Variants in ITGA11 observed in about 807,000 individuals in gnomAD.
The protein encoded by ITGA11 is integrin subunit alpha 11.
ITGA11 carries 97 observed loss-of-function variants against 141.9 expected under a neutral mutation model. The observed-to-expected ratio is 0.68, with a 90% confidence interval of 0.58 to 0.81. The LOEUF (loss-of-function observed/expected upper bound fraction) is 0.81, where lower values mean the gene tolerates loss of function less well. Among genes scored for constraint, ITGA11 ranks in the 30% least tolerant of loss-of-function variants. The pLI, the probability that ITGA11 is intolerant of heterozygous loss-of-function variation, is 0.00. For synonymous variants in ITGA11, 658 were observed against 624.6 expected (o/e 1.05, Z -0.80); for missense variants, 1,387 against 1,559.2 (o/e 0.89, Z 1.86).
rs1016205530 is a variant in ITGA11 at position 68,429,706 on chromosome 15, A to G, written c.52+2309T>C. Among the ~76,000 whole-genome samples the G allele has an allele frequency of 7.2e-5, 11 of 152,314 alleles. 1 individual carries two copies. Among genetic ancestry groups the G allele is most frequent in the Admixed American group, 3.3e-4 (5 of 15,304 alleles). ...TCCTGGAGCCTGAGGAGTGAACCCA[A>G]TGATCCCTGAGACCCTTCTAGTCTT... On this transcript the variant is annotated intron_variant, in intron 1 of 29. Coordinates refer to ENST00000315757, the MANE Select transcript of ITGA11 (RefSeq NM_001004439.2).
At chr15:68,425,011 T>C (rs74022228) in intron 1 of ITGA11, among the ~76,000 whole-genome samples, 6,246 of 152,298 alleles carry the variant, frequency 0.041, 432 homozygotes, top group African/African-American at 0.14. Flanking sequence ...ATCTGTGGGG[T>C]GCCTTCTCCA....
chr15:68,318,744 G>A (rs940301849), intron 20 of ITGA11, among the ~76,000 whole-genome samples: 4 of 152,078 alleles, frequency 2.6e-5, no homozygotes, highest in Non-Finnish European at 5.9e-5. Flanking sequence ...GGCACTTGGG[G>A]AGGGGTGCTG....
rs1272008857 is a variant in ITGA11 at position 68,311,049 on chromosome 15, C to T, written c.3119G>A (p.Ser1040Asn). ...CACTGGGGTGGGCCGGTACTCAGTG[C>T]TATTGCCCCAGATGTTACAGGACGT... ...ANTSCNIWGN[S>N]TEYRPTPVEE... The change falls in exon 26 of 30, where the codon AGC (serine) becomes AAC (asparagine). Residue 1040 changes from serine (S) to asparagine (N), a missense_variant. Coordinates refer to ENST00000315757, the MANE Select transcript of ITGA11 (RefSeq NM_001004439.2). The T allele has an allele frequency of 1.2e-6, 2 of 1,608,094 alleles. No homozygotes were observed. Among genetic ancestry groups the T allele is most frequent in the Admixed American group, 3.4e-5 (2 of 59,338 alleles).
chr15:68,369,118 A>G, intron 3 of ITGA11, 66 bp downstream of exon 3: 2 of 1,165,370 alleles, frequency 1.7e-6, no homozygotes, highest in Non-Finnish European at 2.6e-6. Context: ...ATGGGCGTGC[A>G]TCAGAGCCTG....
At position 68,320,400 on chromosome 15, in the gene ITGA11, C is replaced by A; in HGVS notation, c.2409-8G>T. The A allele has an allele frequency of 6.4e-7, 1 of 1,573,066 alleles. No individual in the cohort carries two copies. Among genetic ancestry groups the A allele is most frequent in the Non-Finnish European group, 8.6e-7 (1 of 1,158,814 alleles). On this transcript the variant is annotated splice_region_variant and splice_polypyrimidine_tract_variant and intron_variant, in intron 19 of 29. Transcript: ENST00000315757. Reference sequence around the variant, plus strand: ...ACCCTCTGGCAGTACTCCCTGAGAACAAGAGACCACCAGAGACTGGGCAGA... The same window carrying A: ...ACCCTCTGGCAGTACTCCCTGAGAAAAAGAGACCACCAGAGACTGGGCAGA...
In ITGA11 at chr15:68,324,037, G is replaced by A. The variant is rs1014717140; in HGVS notation, c.2322+1094C>T. Among the ~76,000 whole-genome samples, 9 of 152,136 alleles carry A rather than the reference G, an allele frequency of 5.9e-5. No homozygotes were observed. The highest frequency in any genetic ancestry group is 1.2e-4 in the African/African-American group (5 of 41,432). ...GCCATAGTGACTTTGTAATTACTGC[G>A]AGAGGACAAAAATGACTTAGTGCGC... On this transcript the variant is annotated intron_variant, in intron 18 of 29. Transcript: ENST00000315757. The surrounding 1 kb of genome is among the most constrained non-coding windows in gnomAD (Gnocchi z 6.3).
chr15:68,374,380 A>AC (rs78592541), intron 2 of ITGA11, among the ~76,000 whole-genome samples: 123,833 of 152,196 alleles, frequency 0.81, 50,636 homozygotes, highest in East Asian at 1. Context: ...AGGCCTCGAG[A>AC]CATCAGAGCT....
In ITGA11 at chr15:68,331,956, T is replaced by C. The variant is rs1894178151; in HGVS notation, c.1673A>G (p.Asn558Ser). ...SVRDLNQDSY[N>S]DVVVGAPLED... The stretch of plus-strand genomic sequence containing the variant: ...CAGGGGGGCTCCCACCACCACGTCA[T>C]TGTAGGAATCCTGGTTGAGGTCTCG... Residue 558 changes from asparagine to serine, a missense_variant, in exon 14 of 30, where the codon AAT becomes AGT. Asn to Ser is a conservative substitution (Grantham distance 46). Transcript: ENST00000315757. 2 of 1,613,246 alleles carry C rather than the reference T, an allele frequency of 1.2e-6. No individual in the cohort carries two copies. Among genetic ancestry groups the C allele is most frequent in the Non-Finnish European group, 1.7e-6 (2 of 1,179,682 alleles).
Position 68,321,586 on chromosome 15 carries a change from C to T in ITGA11, c.2323-83G>A. 1 of 753,474 alleles carries T rather than the reference C, an allele frequency of 1.3e-6. No individual in the cohort carries two copies. Among genetic ancestry groups the T allele is most frequent in the Non-Finnish European group, 2.1e-6 (1 of 472,980 alleles). 46.7% of individuals were successfully genotyped at this position (753,474 alleles called of 1,614,324 possible). On this transcript the variant is annotated intron_variant, in intron 18 of 29. Transcript: ENST00000315757. This position sits in a 1 kb window ranked among gnomAD's most constrained non-coding sequence, Gnocchi z 4.9. ...TCAATGTACACCAGCTCTGTCTCCA[C>T]CACACTAGACATGGGCTGGCTTTCC...
chr15:68,380,305 C>T (rs760402654), intron 2 of ITGA11, among the ~76,000 whole-genome samples: 1 of 152,162 alleles, frequency 6.6e-6, no homozygotes, highest in South Asian at 2.1e-4. Flanking sequence ...CTAACCTATC[C>T]CCAGATGGGC....
chr15:68,330,356 T>C (rs1178584355), intron 15 of ITGA11, among the ~76,000 whole-genome samples: 3 of 152,206 alleles, frequency 2.0e-5, no homozygotes, highest in Non-Finnish European at 2.9e-5. Context: ...TACCACAGCA[T>C]TAATAGTGGC....
chr15:68,364,395 T>G (rs1323448543), intron 4 of ITGA11, among the ~76,000 whole-genome samples: 1 of 152,224 alleles, frequency 6.6e-6, no homozygotes, highest in African/African-American at 2.4e-5. Flanking sequence ...TTGTTGGCTA[T>G]CTACATTTAT....
rs1295029451 is a variant in ITGA11, at chr15:68,304,257, C to G, written c.3382-372G>C. ...TGTCTCCCACGGTTCAGTCCTTGCA[C>G]CTCTTCTTTTTCTAGAGTCACTTCC... On this transcript the variant is annotated intron_variant, in intron 28 of 29. Transcript: ENST00000315757. This position sits in a 1 kb window ranked among gnomAD's most constrained non-coding sequence, Gnocchi z 6.1. Among the ~76,000 whole-genome samples the G allele has an allele frequency of 6.6e-6, 1 of 152,198 alleles. No individual in the cohort carries two copies. The highest frequency in any genetic ancestry group is 2.4e-5 in the African/African-American group (1 of 41,448).
At position 68,303,940 on chromosome 15, in the gene ITGA11, C is replaced by A; in HGVS notation, c.3382-55G>T. ...CATTACTCTTCTGGGGCTGGGGTGGCAGTCTGGGAGGGGCAGGAGGGTGGA... is the reference window on the plus strand; with the variant it reads ...CATTACTCTTCTGGGGCTGGGGTGGAAGTCTGGGAGGGGCAGGAGGGTGGA... On this transcript the variant is annotated intron_variant, in intron 28 of 29. Coordinates refer to ENST00000315757, the MANE Select transcript of ITGA11 (RefSeq NM_001004439.2). This position sits in a 1 kb window ranked among gnomAD's most constrained non-coding sequence, Gnocchi z 5.3. 1 of 1,209,262 alleles carries A rather than the reference C, an allele frequency of 8.3e-7. No homozygotes were observed. The highest frequency in any genetic ancestry group is 1.2e-6 in the Non-Finnish European group (1 of 821,770). The allele number at this position is 1,209,262 out of a possible 1,614,324, so 74.9% of individuals were successfully genotyped here. A position where few individuals can be genotyped will look rare whatever the true frequency, so the allele number is the denominator to read the frequency against.
At position 68,326,468 on chromosome 15, in the gene ITGA11, A is replaced by G. The variant is rs1433614095; in HGVS notation, c.2211+186T>C. The stretch of plus-strand genomic sequence containing the variant: ...TTGGAAGGATGTCTAGTGAGGTGGT[A>G]TGTAGCGTGTCTCTGGGGCATGAGG... On this transcript the variant is annotated intron_variant, in intron 17 of 29. Transcript: ENST00000315757. The surrounding 1 kb of genome is among the most constrained non-coding windows in gnomAD (Gnocchi z 6.8). Among the ~76,000 whole-genome samples the G allele has an allele frequency of 2.0e-5, 3 of 151,978 alleles. No individual in the cohort carries two copies. Among genetic ancestry groups the G allele is most frequent in the Non-Finnish European group, 2.9e-5 (2 of 68,014 alleles).
At chr15:68,403,612 TTTTC>T (rs140112160) in intron 1 of ITGA11, among the ~76,000 whole-genome samples, 122,500 of 148,194 alleles carry the variant, frequency 0.83, 51,270 homozygotes, top group East Asian at 1. Context: ...AATAAACCTC[TTTTC>T]TTTCTTTCTT....
Position 68,317,256 on chromosome 15 carries a change from A to G in ITGA11, c.2715+9T>C, listed in dbSNP as rs769333544. 1 of 1,476,556 alleles carries G rather than the reference A, an allele frequency of 6.8e-7. No individual in the cohort carries two copies. The highest frequency in any genetic ancestry group is 2.3e-5 in the East Asian group (1 of 42,892). The allele number at this position is 1,476,556 out of a possible 1,614,324, so 91.5% of individuals were successfully genotyped here. Reference sequence around the variant, plus strand: ...CCTGACCCTCCCCCACATTGTCCCCAGTCTCAACCTTGGCCTTGGCCCGGA... The same window carrying G: ...CCTGACCCTCCCCCACATTGTCCCCGGTCTCAACCTTGGCCTTGGCCCGGA... On this transcript the variant is annotated intron_variant, in intron 21 of 29. Coordinates refer to ENST00000315757, the MANE Select transcript of ITGA11 (RefSeq NM_001004439.2).
chr15:68,324,530 G>A lies in ITGA11; in HGVS notation c.2322+601C>T, dbSNP rs16951779. Among the ~76,000 whole-genome samples, 922 of 152,236 alleles carry A rather than the reference G, an allele frequency of 6.1e-3. 7 individuals carry two copies. Among genetic ancestry groups the A allele is most frequent in the African/African-American group, 0.021 (887 of 41,528 alleles). On this transcript the variant is annotated intron_variant, in intron 18 of 29. Transcript: ENST00000315757. The surrounding 1 kb of genome is among the most constrained non-coding windows in gnomAD (Gnocchi z 6.3). ...CACTGCCTGACATTTTCCTTGAGTG[G>A]GATTTACATGGAGTTGCGGCTGCAG...
intron 20 of ITGA11, among the ~76,000 whole-genome samples, chr15:68,319,609 G>A (rs572346808): frequency 6.6e-6 from 1 of 152,314 alleles, no homozygotes; most frequent in Admixed American, 6.5e-5. Context: ...TTTTAACCTG[G>A]GGAAGAACCG....
Sources: gnomAD v4.1 joint callset for allele counts (sites outside exome capture counted in the v4.1 genomes callset) on GRCh38, gnomAD v4.1.1 for gene constraint, Gnocchi (gnomAD v3.1) non-coding constraint, MANE v1.5 for transcripts, NCBI Gene and HGNC (gene_info 2026-07-23, HGNC 2026-07-21) for gene names.